Variants in TSPAN5 observed in about 807,000 individuals in gnomAD.
TSPAN5 encodes tetraspanin 5, also known as tetraspanin-5.
A neutral mutation model predicts 37.1 loss-of-function variants in TSPAN5; 10 were observed. The ratio of observed to expected loss-of-function variants is 0.27; its 90% CI spans 0.17 to 0.46. The LOEUF is 0.46. TSPAN5 is among the 20% of genes least tolerant of loss of function. The probability of loss-of-function intolerance (pLI) is 1.00; values close to 1 mark genes in which losing one functional copy is unlikely to be tolerated. For synonymous variants in TSPAN5, 110 were observed against 118.9 expected (o/e 0.93, Z 0.48); for missense variants, 195 against 326.6 (o/e 0.60, Z 3.11).
At chr4:98,559,304 A>C (rs1754826346) in intron 1 of TSPAN5, among the ~76,000 whole-genome samples, 1 of 152,234 alleles carries the variant, frequency 6.6e-6, no homozygotes, top group African/African-American at 2.4e-5. Flanking sequence ...CAAATGGCTA[A>C]ACATGACCGG....
At chr4:98,622,131 A>C (rs1756495831) in intron 1 of TSPAN5, among the ~76,000 whole-genome samples, 1 of 152,124 alleles carries the variant, frequency 6.6e-6, no homozygotes, top group African/African-American at 2.4e-5. Flanking sequence ...CCAGGCTGGA[A>C]TGCAGTGGCA....
At chr4:98,500,273 T>G (rs1473852521) in intron 2 of TSPAN5, 2 of 152,142 alleles carry the variant, frequency 1.3e-5, no homozygotes, top group Non-Finnish European at 2.9e-5. Context: ...TTTTCCAAGG[T>G]GAGTCTCCTG....
At chr4:98,530,026 CTGA>C (rs1418540967) in intron 1 of TSPAN5, among the ~76,000 whole-genome samples, 3 of 152,224 alleles carry the variant, frequency 2.0e-5, no homozygotes, top group Non-Finnish European at 4.4e-5. Flanking sequence ...ACTTCAGACT[CTGA>C]GTTCCTTGAT....
intron 2 of TSPAN5, among the ~76,000 whole-genome samples, chr4:98,488,956 C>T (rs1057330741): frequency 3.3e-5 from 5 of 152,176 alleles, no homozygotes; most frequent in African/African-American, 1.2e-4. Context: ...AGGAAACCAG[C>T]CTCTCCTCTG....
In TSPAN5 at chr4:98,490,969, G is replaced by A. The variant is rs1304159799; in HGVS notation, c.133-4085C>T. On this transcript the variant is annotated intron_variant, in intron 2 of 7. Coordinates refer to ENST00000305798, the MANE Select transcript of TSPAN5 (RefSeq NM_005723.4). The stretch of plus-strand genomic sequence containing the variant: ...TCCAGCAACTCGGGAGGCTGAGGCA[G>A]AAGAATGGCGTGAACCCGGGAGGCG... Among the ~76,000 whole-genome samples the A allele has an allele frequency of 2.0e-5, 3 of 152,086 alleles. No homozygotes were observed. The East Asian group carries it at 5.8e-4, about 29-fold the overall frequency.
intron 1 of TSPAN5, among the ~76,000 whole-genome samples, chr4:98,534,221 G>C (rs1306350984): frequency 6.6e-6 from 1 of 152,068 alleles, no homozygotes; most frequent in African/African-American, 2.4e-5. Flanking sequence ...TTGTGTCTTT[G>C]TTCTCATTGG....
At chr4:98,624,653 C>T (rs1756554223) in intron 1 of TSPAN5, among the ~76,000 whole-genome samples, 1 of 152,164 alleles carries the variant, frequency 6.6e-6, no homozygotes. Context: ...TTCTCAATGT[C>T]CCTGTCCCTA....
chr4:98,530,082 T>C (rs967053198), intron 1 of TSPAN5, among the ~76,000 whole-genome samples: 2 of 152,208 alleles, frequency 1.3e-5, no homozygotes, highest in African/African-American at 4.8e-5. Context: ...AGGAAAAAGA[T>C]GGTGAAATGA....
chr4:98,556,950 T>C (rs977259143), intron 1 of TSPAN5, among the ~76,000 whole-genome samples: 1 of 152,200 alleles, frequency 6.6e-6, no homozygotes, highest in African/African-American at 2.4e-5. Context: ...TGTTAAAAAT[T>C]ATACCAATAT....
In TSPAN5 at chr4:98,553,201, G is replaced by T. The variant is rs1246773378; in HGVS notation, c.82-45473C>A. Among the ~76,000 whole-genome samples the T allele has an allele frequency of 1.5e-4, 23 of 152,234 alleles. No homozygotes were observed. The East Asian group carries it at 4.2e-3, about 28-fold the overall frequency. ...ACACTAGTATAAAGTTACCTAATTT[G>T]CTGTCTAAAAGTGTTGGAGTAAATT... On this transcript the variant is annotated intron_variant, in intron 1 of 7. Transcript: ENST00000305798.
intron 1 of TSPAN5, among the ~76,000 whole-genome samples, chr4:98,592,421 GTTTTTTGTTTTT>G (rs1033850112): frequency 2.1e-5 from 2 of 95,280 alleles, no homozygotes; most frequent in Admixed American, 1.2e-4. Flanking sequence ...AGGGATCTCT[GTTTTTTGTTTTT>G]TTTTTTTTTT....
intron 1 of TSPAN5, among the ~76,000 whole-genome samples, chr4:98,596,629 C>G (rs1171001747): frequency 1.3e-5 from 1 of 79,240 alleles, no homozygotes; most frequent in Admixed American, 1.5e-4. Context: ...TAGGGCAGGC[C>G]TGGTGGTGAC....
In TSPAN5 at chr4:98,499,166, G is replaced by A. The variant is rs1329794289; in HGVS notation, c.132+8512C>T. ...CAGCAGGGGAGCTTCACAAAGACCAGGATATTCTCCTCTTTAACTTCCACC... is the reference window on the plus strand; with the variant it reads ...CAGCAGGGGAGCTTCACAAAGACCAAGATATTCTCCTCTTTAACTTCCACC... On this transcript the variant is annotated intron_variant, in intron 2 of 7. Transcript: ENST00000305798. Among the ~76,000 whole-genome samples the A allele has an allele frequency of 2.6e-5, 4 of 152,340 alleles. No homozygotes were observed. The East Asian group carries it at 7.7e-4, about 29-fold the overall frequency.
chr4:98,547,717 C>A (rs1754500209), intron 1 of TSPAN5, among the ~76,000 whole-genome samples: 1 of 152,064 alleles, frequency 6.6e-6, no homozygotes, highest in South Asian at 2.1e-4. Context: ...AGGAAAAATG[C>A]ACAAAGAAGC....
intron 1 of TSPAN5, among the ~76,000 whole-genome samples, chr4:98,600,956 T>C (rs1401727524): frequency 1.3e-5 from 2 of 152,222 alleles, no homozygotes; most frequent in East Asian, 1.9e-4. Flanking sequence ...ACAGAATGGA[T>C]GTTTTGTTAG....
At position 98,501,531 on chromosome 4, in the gene TSPAN5, G is replaced by A. The variant is rs1753348961; in HGVS notation, c.132+6147C>T. 2.6e-5 allele frequency among the ~76,000 whole-genome samples: 4 copies of A among 152,170 alleles called. No individual in the cohort carries two copies. The South Asian group carries it at 8.3e-4, about 32-fold the overall frequency. ...AGTCGCATGAGAAGGAAAAACACAA[G>A]GAAGGGGAAGAAAGGGCTAGGTCAA... On this transcript the variant is annotated intron_variant, in intron 2 of 7. Transcript: ENST00000305798.
chr4:98,559,013 C>T (rs573536586), intron 1 of TSPAN5, among the ~76,000 whole-genome samples: 1 of 152,292 alleles, frequency 6.6e-6, no homozygotes, highest in Admixed American at 6.5e-5. Flanking sequence ...TTCAGAGTGG[C>T]AGAGCAGAAT....
At chr4:98,508,524 T>G (rs991884624) in intron 1 of TSPAN5, among the ~76,000 whole-genome samples, 2 of 96,152 alleles carry the variant, frequency 2.1e-5, no homozygotes, top group Non-Finnish European at 4.3e-5. Context: ...CTGTTTTTCT[T>G]TTTTTTTTTT....
chr4:98,547,554 T>A (rs1578983335), intron 1 of TSPAN5, among the ~76,000 whole-genome samples: 1 of 152,198 alleles, frequency 6.6e-6, no homozygotes, highest in East Asian at 1.9e-4. Flanking sequence ...GTGGCATCAC[T>A]CTTTTAGCTC....
Sources: gnomAD v4.1 joint callset for allele counts (sites outside exome capture counted in the v4.1 genomes callset) on GRCh38, gnomAD v4.1.1 for gene constraint, MANE v1.5 for transcripts, NCBI Gene and HGNC (gene_info 2026-07-23, HGNC 2026-07-21) for gene names.